The following CIMAP2 variants were observed in gnomAD, a reference collection of about 807,000 sequenced individuals.
CIMAP2 encodes the protein ciliary microtubule-associated protein 2.
chr1:54,813,987 C>G, the CIMAP2 span: 107 of 1,576,382 alleles, frequency 6.8e-5, no homozygotes, highest in Middle Eastern at 6.8e-4. Flanking sequence ...TGAGTTCACT[C>G]CTATGGCCGG....
the CIMAP2 span, among the ~76,000 whole-genome samples, chr1:54,821,203 C>A: frequency 6.1e-4 from 81 of 133,458 alleles, no homozygotes; most frequent in African/African-American, 2.4e-3. Context: ...TCTATTGATT[C>A]TTTTGCTGTG....
the CIMAP2 span, among the ~76,000 whole-genome samples, chr1:54,818,629 A>C: frequency 6.6e-6 from 1 of 150,782 alleles, no homozygotes; most frequent in Non-Finnish European, 1.5e-5. Flanking sequence ...TCTCACTCTG[A>C]CGCCCAGCCT....
At chr1:54,819,176 G>C in the CIMAP2 span, among the ~76,000 whole-genome samples, 1 of 152,174 alleles carries the variant, frequency 6.6e-6, no homozygotes, top group Non-Finnish European at 1.5e-5. Flanking sequence ...TCTGTCCTGG[G>C]TGGGGGTAAG....
At chr1:54,819,796 CTTTTCTTCTT>C in the CIMAP2 span, among the ~76,000 whole-genome samples, 3 of 109,628 alleles carry the variant, frequency 2.7e-5, no homozygotes, top group African/African-American at 9.4e-5. Flanking sequence ...CTTTTCTTCT[CTTTTCTTCTT>C]TTTCTTTTTC....
At chr1:54,814,500 C>A in the CIMAP2 span, among the ~76,000 whole-genome samples, 14 of 152,236 alleles carry the variant, frequency 9.2e-5, no homozygotes, top group Non-Finnish European at 1.5e-5. Flanking sequence ...TAGGGATTAT[C>A]ATCTGCATTT....
the CIMAP2 span, among the ~76,000 whole-genome samples, chr1:54,819,164 C>T: frequency 6.6e-6 from 1 of 152,162 alleles, no homozygotes. Flanking sequence ...AGAAAACAAT[C>T]CTCTGTCCTG....
chr1:54,834,960 T>A, the CIMAP2 span, among the ~76,000 whole-genome samples: 2 of 152,246 alleles, frequency 1.3e-5, no homozygotes, highest in East Asian at 3.8e-4. Context: ...TCTATCCATC[T>A]GTTAATTATC....
chr1:54,836,614 C>T, the CIMAP2 span, among the ~76,000 whole-genome samples: 13 of 151,978 alleles, frequency 8.6e-5, no homozygotes, highest in South Asian at 4.2e-4. Flanking sequence ...CTCAGGCAAA[C>T]GGGGCAGACA....
At chr1:54,820,033 C>A in the CIMAP2 span, among the ~76,000 whole-genome samples, 4,663 of 104,858 alleles carry the variant, frequency 0.044, 343 homozygotes, top group East Asian at 0.14. Flanking sequence ...TCCTTCCTTC[C>A]TTCATTCATT....
the CIMAP2 span, chr1:54,807,907 G>A: frequency 7.4e-5 from 118 of 1,592,828 alleles, no homozygotes; most frequent in Middle Eastern, 8.4e-4. Context: ...GCTGGGCCCC[G>A]GCTCCTACAA....
chr1:54,836,381 A>T, the CIMAP2 span, among the ~76,000 whole-genome samples: 9 of 149,232 alleles, frequency 6.0e-5, no homozygotes, highest in African/African-American at 2.2e-4. Context: ...GTGGGGGTGG[A>T]TGGGGTAGAG....
chr1:54,826,941 C>T, the CIMAP2 span, among the ~76,000 whole-genome samples: 1 of 152,228 alleles, frequency 6.6e-6, no homozygotes, highest in Non-Finnish European at 1.5e-5. Context: ...ATCTTGAAGC[C>T]CCCCTCCTAT....
chr1:54,841,606 C>T, the CIMAP2 span: 1 of 1,614,082 alleles, frequency 6.2e-7, no homozygotes, highest in South Asian at 1.1e-5. Flanking sequence ...TGCTGTAATC[C>T]CATCCTTAGA....
chr1:54,825,364 C>T, the CIMAP2 span, among the ~76,000 whole-genome samples: 2 of 151,938 alleles, frequency 1.3e-5, no homozygotes, highest in Non-Finnish European at 2.9e-5. Context: ...ATTACCTTTA[C>T]CTGTAGATGC....
At chr1:54,811,773 G>GACCCCCC in the CIMAP2 span, 1 of 1,325,048 alleles carries the variant, frequency 7.5e-7, no homozygotes, top group Non-Finnish European at 1.0e-6. Flanking sequence ...CAGCCTCCAT[G>GACCCCCC]CCCCCACCCC....
the CIMAP2 span, among the ~76,000 whole-genome samples, chr1:54,815,636 A>G: frequency 6.6e-6 from 1 of 152,110 alleles, no homozygotes; most frequent in South Asian, 2.1e-4. Flanking sequence ...AACCAGCTAA[A>G]TTCTTGGCCT....
the CIMAP2 span, among the ~76,000 whole-genome samples, chr1:54,812,604 G>C: frequency 2.0e-5 from 3 of 152,122 alleles, no homozygotes; most frequent in Admixed American, 6.5e-5. Context: ...TAGGGCCAGC[G>C]CTGTTAACAA....
the CIMAP2 span, among the ~76,000 whole-genome samples, chr1:54,831,994 G>A: frequency 2.0e-5 from 3 of 152,314 alleles, no homozygotes; most frequent in African/African-American, 4.8e-5. Context: ...CTACAGGCAT[G>A]TGCCACCACG....
chr1:54,817,272 T>C, the CIMAP2 span: 10 of 1,119,768 alleles, frequency 8.9e-6, no homozygotes, highest in Non-Finnish European at 1.3e-5. Context: ...GGAGGGACGT[T>C]CACGTTCAGA....
Sources: gnomAD v4.1 joint callset for allele counts (sites outside exome capture counted in the v4.1 genomes callset) on GRCh38, gnomAD v4.1.1 for gene constraint, MANE v1.5 for transcripts, NCBI Gene and HGNC (gene_info 2026-07-23, HGNC 2026-07-21) for gene names.